The following ST7 variants were observed in gnomAD, a reference collection of about 807,000 sequenced individuals.
ST7 encodes suppressor of tumorigenicity 7 protein.
ST7 carries 28 observed loss-of-function variants against 78.7 expected under a neutral mutation model. That is an observed-to-expected ratio of 0.36 (90% CI 0.26 to 0.49). The LOEUF (loss-of-function observed/expected upper bound fraction) is 0.49. ST7 is among the 20% of genes least tolerant of loss of function. The probability of loss-of-function intolerance (pLI) is 0.99; values close to 1 mark genes in which losing one functional copy is unlikely to be tolerated. For missense variants in ST7, 418 were observed against 696.0 expected, an observed-to-expected ratio of 0.60 and a Z score of 4.49; for synonymous variants, 247 against 249.6, an observed-to-expected ratio of 0.99 and a Z score of 0.10.
At chr7:117,215,145 AG>A (rs1249023620) in intron 13 of ST7, among the ~76,000 whole-genome samples, 2 of 152,122 alleles carry the variant, frequency 1.3e-5, no homozygotes, top group Non-Finnish European at 2.9e-5. Flanking sequence ...AATCCAACTA[AG>A]GGAAAGTGTT....
At chr7:116,961,357 T>G (rs942855369) in intron 1 of ST7, among the ~76,000 whole-genome samples, 1 of 152,220 alleles carries the variant, frequency 6.6e-6, no homozygotes, top group Non-Finnish European at 1.5e-5. Flanking sequence ...GTGATGAATG[T>G]CAGTGGTAGT....
chr7:117,131,364 A>G (rs1804337575), intron 5 of ST7, among the ~76,000 whole-genome samples: 1 of 151,878 alleles, frequency 6.6e-6, no homozygotes, highest in Admixed American at 6.6e-5. Context: ...GCTCTGATGT[A>G]TAAAAGCTAG....
intron 10 of ST7, among the ~76,000 whole-genome samples, chr7:117,183,867 GGATA>G (rs1431335962): frequency 2.6e-5 from 4 of 152,202 alleles, no homozygotes; most frequent in African/African-American, 9.6e-5. Flanking sequence ...TTTATCAAGA[GGATA>G]GATAAACATG....
chr7:117,105,407 A>G (rs1468687642), intron 2 of ST7, among the ~76,000 whole-genome samples: 1 of 152,188 alleles, frequency 6.6e-6, no homozygotes, highest in Non-Finnish European at 1.5e-5. Flanking sequence ...CAGCCTCCCA[A>G]GTAGCTGGGA....
chr7:117,045,447 C>T (rs1434835152), intron 1 of ST7, among the ~76,000 whole-genome samples: 9 of 152,032 alleles, frequency 5.9e-5, no homozygotes, highest in South Asian at 2.1e-4. Context: ...TCCCTCTTTC[C>T]GGAATGTTCT....
At chr7:117,223,077 G>C (rs1430658897) in intron 15 of ST7, 3 of 835,720 alleles carry the variant, frequency 3.6e-6, no homozygotes, top group African/African-American at 1.7e-5. Context: ...AAACTCGGCA[G>C]CCCTTCCAAA....
intron 1 of ST7, among the ~76,000 whole-genome samples, chr7:117,004,364 T>G (rs887162605): frequency 6.6e-6 from 1 of 152,242 alleles, no homozygotes; most frequent in Admixed American, 6.5e-5. Flanking sequence ...AGAGAAAGCA[T>G]GAAATGTTCA....
At position 117,164,627 on chromosome 7, in the gene ST7, C is replaced by T. The variant is rs186208857; in HGVS notation, c.964-6235C>T. 1.4e-3 allele frequency among the ~76,000 whole-genome samples: 218 copies of T among 152,232 alleles called. 1 individual carries two copies. Among genetic ancestry groups the T allele is most frequent in the African/African-American group, 4.8e-3 (199 of 41,542 alleles). Reference sequence around the variant, plus strand: ...TTTAAATATAGGACTCTTTCCTCTGCAATACAGCTATCTTCTTAAATTCAT... The same window carrying T: ...TTTAAATATAGGACTCTTTCCTCTGTAATACAGCTATCTTCTTAAATTCAT... On this transcript the variant is annotated intron_variant, in intron 9 of 15. Coordinates refer to ENST00000323984, the MANE Select transcript of ST7 (RefSeq NM_001369598.1).
intron 9 of ST7, chr7:117,146,591 T>G (rs1805810073): frequency 1.3e-5 from 2 of 152,250 alleles, no homozygotes; most frequent in Non-Finnish European, 2.9e-5. Context: ...CAAGCCACAA[T>G]GGCAGCTCAG....
chr7:116,996,292 T>A (rs1232899384), intron 1 of ST7, among the ~76,000 whole-genome samples: 1 of 152,072 alleles, frequency 6.6e-6, no homozygotes, highest in African/African-American at 2.4e-5. Flanking sequence ...TGTGTTAGGA[T>A]GGTTTCAATC....
intron 12 of ST7, among the ~76,000 whole-genome samples, chr7:117,203,667 T>C (rs1811077458): frequency 6.6e-6 from 1 of 152,220 alleles, no homozygotes. Flanking sequence ...AGTTTATACA[T>C]CTTACTAAGG....
At chr7:117,161,592 T>TC (rs961729294) in intron 9 of ST7, among the ~76,000 whole-genome samples, 1 of 3,410 alleles carries the variant, frequency 2.9e-4, no homozygotes, top group Non-Finnish European at 1.1e-3. Flanking sequence ...TCTTTCTTTC[T>TC]TTTTTTTTTT....
At chr7:117,126,244 G>A (rs1803831468) in intron 3 of ST7, among the ~76,000 whole-genome samples, 1 of 151,830 alleles carries the variant, frequency 6.6e-6, no homozygotes, top group Non-Finnish European at 1.5e-5. Context: ...AAGTCCCCAT[G>A]ACTAGGGATT....
At chr7:116,979,963 T>TC in intron 1 of ST7, among the ~76,000 whole-genome samples, 1 of 113,464 alleles carries the variant, frequency 8.8e-6, no homozygotes, top group Admixed American at 9.3e-5. Flanking sequence ...TTTCTCTTTT[T>TC]TTTTTTTTTT....
At chr7:117,228,216 C>T (rs1218932064) in intron 15 of ST7, among the ~76,000 whole-genome samples, 5 of 152,202 alleles carry the variant, frequency 3.3e-5, no homozygotes, top group African/African-American at 9.7e-5. Context: ...CTGCTCCTTT[C>T]AACAGAATGG....
At chr7:117,065,247 C>T (rs1465224927) in intron 1 of ST7, among the ~76,000 whole-genome samples, 6 of 141,340 alleles carry the variant, frequency 4.2e-5, no homozygotes, top group African/African-American at 1.1e-4. Context: ...CTGGCACTAT[C>T]GCCTAGGCTG....
Position 117,221,996 on chromosome 7 carries a change from C to T in ST7, c.1572C>T (p.Ser524=), listed in dbSNP as rs1793126102. The T allele has an allele frequency of 6.2e-7, 1 of 1,612,976 alleles. No individual in the cohort carries two copies. The highest frequency in any genetic ancestry group is 1.7e-5 in the Admixed American group (1 of 59,892). ...FFILFTAGLC[S]FTAMLALLTH... is the part of the protein sequence containing the mutation. The stretch of plus-strand genomic sequence containing the variant: ...TTCTCTTTACTGCTGGATTATGTTC[C>T]TTCACAGCCATGCTGGCCCTCCTGA... The change falls in exon 15 of 16, where the codon TCC becomes TCT. Residue 524 remains serine (S), a synonymous_variant. Coordinates refer to ENST00000323984, the MANE Select transcript of ST7 (RefSeq NM_001369598.1).
intron 1 of ST7, among the ~76,000 whole-genome samples, chr7:117,065,118 A>G (rs941498886): frequency 3.9e-5 from 6 of 152,146 alleles, no homozygotes; most frequent in Non-Finnish European, 5.9e-5. Flanking sequence ...CTGATAAAGA[A>G]CTGAGACTCA....
chr7:116,995,122 T>A (rs1360913547), intron 1 of ST7, among the ~76,000 whole-genome samples: 1 of 152,148 alleles, frequency 6.6e-6, no homozygotes, highest in African/African-American at 2.4e-5. Flanking sequence ...CCTCAAAATC[T>A]TCTGAGTGCA....
Sources: allele counts gnomAD v4.1 joint callset (sites outside exome capture counted in the v4.1 genomes callset), GRCh38; gene constraint gnomAD v4.1.1; transcripts MANE v1.5; gene names NCBI Gene and HGNC (gene_info 2026-07-23, HGNC 2026-07-21).